CHODL: variants seen among roughly 807,000 people sequenced by gnomAD.
CHODL encodes transmembrane protein MT75.
In CHODL, 29 loss-of-function variants were observed where a neutral mutation model predicts 34.5. The observed-to-expected ratio is 0.84, with a 90% confidence interval of 0.63 to 1.15. The LOEUF (loss-of-function observed/expected upper bound fraction) is 1.15. Ranked by LOEUF, CHODL falls within the 50% of genes most tolerant of loss-of-function variation. The pLI is 0.00. For missense variants in CHODL, 332 were observed against 332.5 expected, an observed-to-expected ratio of 1.00 and a Z score of 0.01; for synonymous variants, 125 against 116.1, an observed-to-expected ratio of 1.08 and a Z score of -0.49.
At chr21:17,991,634 C>T (rs1287885246) in intron 1 of CHODL, among the ~76,000 whole-genome samples, 2 of 147,176 alleles carry the variant, frequency 1.4e-5, no homozygotes, top group Admixed American at 1.4e-4. Context: ...ATGTCTTTTG[C>T]TCACTTTTAA....
intron 2 of CHODL, among the ~76,000 whole-genome samples, chr21:18,157,869 A>T (rs1307525155): frequency 6.6e-6 from 1 of 152,162 alleles, no homozygotes; most frequent in Non-Finnish European, 1.5e-5. Flanking sequence ...ATAATTATTA[A>T]TTCTAACTTT....
intron 1 of CHODL, among the ~76,000 whole-genome samples, chr21:17,977,364 C>CTTTT (rs542807552): frequency 2.2e-5 from 3 of 134,142 alleles, no homozygotes; most frequent in South Asian, 4.8e-4. Context: ...GGCTGTTTTA[C>CTTTT]TTTTTTTTTT....
At chr21:17,934,076 G>C (rs1310789840) in intron 1 of CHODL, among the ~76,000 whole-genome samples, 1 of 151,292 alleles carries the variant, frequency 6.6e-6, no homozygotes, top group African/African-American at 2.4e-5. Flanking sequence ...AGTCACTGGA[G>C]ACTCCAAAAG....
chr21:17,918,843 A>G lies in CHODL; in HGVS notation c.-145+1443A>G, dbSNP rs149059032. On this transcript the variant is annotated intron_variant, in intron 1 of 6. Coordinates refer to the CHODL transcript ENST00000400127. Reference sequence around the variant, plus strand: ...CAAAAGCAGGTTAGTTACTTCCTAGATACAATGGCGGTACAGGAATTGGGT... The same window carrying G: ...CAAAAGCAGGTTAGTTACTTCCTAGGTACAATGGCGGTACAGGAATTGGGT... Among the ~76,000 whole-genome samples the G allele has an allele frequency of 7.9e-3, 1,208 of 152,334 alleles. 18 individuals carry two copies. The highest frequency in any genetic ancestry group is 0.027 in the African/African-American group (1,120 of 41,568).
chr21:18,062,930 A>T (rs773599943), intron 2 of CHODL, among the ~76,000 whole-genome samples: 1 of 152,298 alleles, frequency 6.6e-6, no homozygotes, highest in African/African-American at 2.4e-5. Flanking sequence ...AGCCTTTTTT[A>T]AAAAACCATC....
rs10671177 is a variant in CHODL, at chr21:18,145,435, C to CAAAAAAAA, written c.-44-111059_-44-111052dup. ...CTAGGGGACGAGTGAGACTACCTTT[C>CAAAAAAAA]AAAAAAAAAAAAAAAAAAAAAAGCG... is the stretch of plus-strand genomic sequence containing the variant. On this transcript the variant is annotated intron_variant, in intron 2 of 6. Coordinates refer to the CHODL transcript ENST00000400127. Among the ~76,000 whole-genome samples, 17 of 60,892 alleles carry CAAAAAAAA rather than the reference C, an allele frequency of 2.8e-4. 8 individuals carry two copies. The highest frequency in any genetic ancestry group is 4.5e-4 in the Admixed American group (2 of 4,494). The allele number at this position is 60,892 out of a possible 152,430, so 39.9% of individuals were successfully genotyped here.
intron 2 of CHODL, among the ~76,000 whole-genome samples, chr21:18,044,042 G>A (rs2064410456): frequency 6.6e-6 from 1 of 152,030 alleles, no homozygotes; most frequent in Non-Finnish European, 1.5e-5. Flanking sequence ...TGAGATTTGG[G>A]TAGGGACACA....
intron 2 of CHODL, chr21:18,100,150 AT>A (rs958847525): frequency 1.4e-4 from 21 of 152,192 alleles, no homozygotes; most frequent in African/African-American, 5.1e-4. Flanking sequence ...CAAGTGAAAA[AT>A]ATTTACATAG....
intron 2 of CHODL, among the ~76,000 whole-genome samples, chr21:18,060,687 T>C (rs942108317): frequency 1.4e-5 from 2 of 141,606 alleles, no homozygotes; most frequent in Non-Finnish European, 3.1e-5. Context: ...GGCCATACAG[T>C]AGTAAATCTT....
chr21:18,006,378 AT>A (rs1474367601), intron 1 of CHODL, among the ~76,000 whole-genome samples: 1 of 152,056 alleles, frequency 6.6e-6, no homozygotes, highest in African/African-American at 2.4e-5. Flanking sequence ...AGAAAAAAAA[AT>A]GTAGCTCCTT....
At chr21:18,171,682 T>C (rs957746383) in intron 2 of CHODL, among the ~76,000 whole-genome samples, 1 of 152,176 alleles carries the variant, frequency 6.6e-6, no homozygotes, top group Non-Finnish European at 1.5e-5. Flanking sequence ...ATTGGACATA[T>C]TAGATAATAT....
intron 1 of CHODL, among the ~76,000 whole-genome samples, chr21:17,936,702 A>G (rs1205943646): frequency 6.6e-6 from 1 of 152,246 alleles, no homozygotes; most frequent in Non-Finnish European, 1.5e-5. Context: ...TAAGGTCCAC[A>G]GAAATTAGGA....
chr21:17,933,614 A>G lies in CHODL; in HGVS notation c.-145+16214A>G, dbSNP rs182576523. On this transcript the variant is annotated intron_variant, in intron 1 of 6. Transcript: ENST00000400127. ...AAGAATTTTTCTTAGTACAGAACAAAATGGAGACTCCTATGTCTACTTCTT... is the reference window on the plus strand; with the variant it reads ...AAGAATTTTTCTTAGTACAGAACAAGATGGAGACTCCTATGTCTACTTCTT... Among the ~76,000 whole-genome samples the G allele has an allele frequency of 9.8e-5, 15 of 152,316 alleles. No homozygotes were observed. In the East Asian group the frequency reaches 2.3e-3, roughly 23 times the overall value.
chr21:17,976,395 A>G (rs911023710), intron 1 of CHODL, among the ~76,000 whole-genome samples: 5 of 151,982 alleles, frequency 3.3e-5, no homozygotes, highest in African/African-American at 9.7e-5. Context: ...TTGAATCATA[A>G]TGTGTCATTC....
At chr21:18,028,193 A>G (rs1177427821) in intron 2 of CHODL, among the ~76,000 whole-genome samples, 1 of 148,802 alleles carries the variant, frequency 6.7e-6, no homozygotes, top group Non-Finnish European at 1.5e-5. Flanking sequence ...GCACCTTATT[A>G]TTTCCTTTAG....
At chr21:17,992,714 AGTT>A (rs145512630) in intron 1 of CHODL, among the ~76,000 whole-genome samples, 659 of 49,606 alleles carry the variant, frequency 0.013, 46 homozygotes, top group Middle Eastern at 0.089. Context: ...TTTCTGGTGG[AGTT>A]GTTTTTTTTT....
intron 2 of CHODL, among the ~76,000 whole-genome samples, chr21:18,219,223 G>T (rs1485814606): frequency 6.6e-6 from 1 of 152,198 alleles, no homozygotes; most frequent in Non-Finnish European, 1.5e-5. Context: ...GGGCTGGGGA[G>T]TCCTCAGGAA....
chr21:17,988,383 T>C lies in CHODL; in HGVS notation c.-144-39489T>C, dbSNP rs1433178954. On this transcript the variant is annotated intron_variant, in intron 1 of 6. Coordinates refer to the CHODL transcript ENST00000400127. Reference sequence around the variant, plus strand: ...TTCCTGTGGGAAGTTTTTTTTTTTTTTCCCTTTTTTCCTTTTTTTTTATTA... The same window carrying C: ...TTCCTGTGGGAAGTTTTTTTTTTTTCTCCCTTTTTTCCTTTTTTTTTATTA... Among the ~76,000 whole-genome samples the C allele has an allele frequency of 3.4e-3, 494 of 144,656 alleles. 6 individuals carry two copies. The highest frequency in any genetic ancestry group is 0.018 in the Middle Eastern group (5 of 278). The allele number at this position is 144,656 out of a possible 152,430, so 94.9% of individuals were successfully genotyped here. A position where few individuals can be genotyped will look rare whatever the true frequency, so the allele number is the denominator to read the frequency against.
At chr21:17,925,245 T>C (rs1444886545) in intron 1 of CHODL, among the ~76,000 whole-genome samples, 1 of 152,192 alleles carries the variant, frequency 6.6e-6, no homozygotes, top group South Asian at 2.1e-4. Context: ...ATATCCAAAA[T>C]TGTGACCAGT....
Sources: allele counts gnomAD v4.1 joint callset (sites outside exome capture counted in the v4.1 genomes callset), GRCh38; gene constraint gnomAD v4.1.1; transcripts MANE v1.5; gene names NCBI Gene and HGNC (gene_info 2026-07-23, HGNC 2026-07-21).